SLC8A1: variants seen among roughly 807,000 people sequenced by gnomAD.
SLC8A1 encodes the protein sodium/calcium exchanger 1.
In SLC8A1, 18 loss-of-function variants were observed where a neutral mutation model predicts 68.3. The ratio of observed to expected loss-of-function variants is 0.26; its 90% CI spans 0.18 to 0.39. The LOEUF (loss-of-function observed/expected upper bound fraction) is 0.39, where lower values mean the gene tolerates loss of function less well. SLC8A1 is among the 10% of genes least tolerant of loss of function. SLC8A1 has a pLI of 1.00. For synonymous variants in SLC8A1, 475 were observed against 415.5 expected, an observed-to-expected ratio of 1.14 and a Z score of -1.74; for missense variants, 985 against 1,156.7, an observed-to-expected ratio of 0.85 and a Z score of 2.15.
At chr2:40,240,605 G>A (rs1016221095) in intron 2 of SLC8A1, among the ~76,000 whole-genome samples, 3 of 152,132 alleles carry the variant, frequency 2.0e-5, no homozygotes, top group African/African-American at 4.8e-5. Context: ...ACACTTTTTT[G>A]TATAAATACA....
chr2:40,220,419 A>C (rs1271188240), intron 2 of SLC8A1: 1 of 152,212 alleles, frequency 6.6e-6, no homozygotes, highest in East Asian at 1.9e-4. Context: ...CTTAGCCATC[A>C]TCGCCATTTG....
At chr2:40,356,982 C>A (rs1302043188) in intron 2 of SLC8A1, among the ~76,000 whole-genome samples, 1 of 152,184 alleles carries the variant, frequency 6.6e-6, no homozygotes, top group African/African-American at 2.4e-5. Context: ...CAAGAACACT[C>A]CATGAGTATT....
At chr2:40,289,780 G>C (rs576005333) in intron 2 of SLC8A1, among the ~76,000 whole-genome samples, 1 of 152,154 alleles carries the variant, frequency 6.6e-6, no homozygotes, top group African/African-American at 2.4e-5. Flanking sequence ...AGAATTGCTT[G>C]AACTTAGGAG....
chr2:40,176,090 G>A (rs1283560300), intron 3 of SLC8A1: 4 of 305,280 alleles, frequency 1.3e-5, no homozygotes, highest in South Asian at 7.7e-5. Flanking sequence ...AGAATGTACT[G>A]TAGCACTTTA....
intron 2 of SLC8A1, among the ~76,000 whole-genome samples, chr2:40,184,247 G>T (rs1033598123): frequency 1.3e-5 from 2 of 151,944 alleles, no homozygotes; most frequent in African/African-American, 4.8e-5. Context: ...ATGCAGCCAG[G>T]GCTTGCTTTA....
intron 2 of SLC8A1, among the ~76,000 whole-genome samples, chr2:40,403,799 A>T (rs1689466910): frequency 6.6e-6 from 1 of 152,228 alleles, no homozygotes; most frequent in African/African-American, 2.4e-5. Flanking sequence ...TGTAACTAAT[A>T]ATGAATAATA....
intron 2 of SLC8A1, among the ~76,000 whole-genome samples, chr2:40,249,104 C>T (rs184940105): frequency 3.0e-4 from 46 of 152,220 alleles, no homozygotes; most frequent in Non-Finnish European, 4.7e-4. Flanking sequence ...AACACAATGA[C>T]GTTTGAAGTT....
At chr2:40,341,061 G>T (rs1007370444) in intron 2 of SLC8A1, among the ~76,000 whole-genome samples, 4 of 152,172 alleles carry the variant, frequency 2.6e-5, no homozygotes, top group Non-Finnish European at 5.9e-5. Flanking sequence ...GAAAGGAATG[G>T]AGTAGTAGAG....
At chr2:40,224,225 G>C (rs1009235167) in intron 2 of SLC8A1, among the ~76,000 whole-genome samples, 4 of 152,058 alleles carry the variant, frequency 2.6e-5, no homozygotes, top group African/African-American at 9.7e-5. Context: ...ATGAGATGAG[G>C]CTGTCTAGTA....
chr2:40,215,403 C>A (rs1279361677), intron 2 of SLC8A1, among the ~76,000 whole-genome samples: 1 of 151,832 alleles, frequency 6.6e-6, no homozygotes, highest in Non-Finnish European at 1.5e-5. Flanking sequence ...TTTGGGAGGC[C>A]GAGGCGGGTG....
intron 2 of SLC8A1, among the ~76,000 whole-genome samples, chr2:40,324,728 T>C (rs1451333727): frequency 1.3e-5 from 2 of 152,100 alleles, no homozygotes; most frequent in Non-Finnish European, 2.9e-5. Flanking sequence ...GAGGCATCAA[T>C]GTCTCAAATC....
At chr2:40,355,628 C>A (rs1672430611) in intron 2 of SLC8A1, among the ~76,000 whole-genome samples, 1 of 152,128 alleles carries the variant, frequency 6.6e-6, no homozygotes, top group Non-Finnish European at 1.5e-5. Context: ...ACTGACCCAT[C>A]TAGGGAGTGG....
chr2:40,185,117 G>A (rs1334629783), intron 2 of SLC8A1, among the ~76,000 whole-genome samples: 1 of 152,098 alleles, frequency 6.6e-6, no homozygotes. Context: ...AACAAGTCTT[G>A]GTGACAATGT....
At chr2:40,441,287 T>C (rs568712758) in intron 1 of SLC8A1, among the ~76,000 whole-genome samples, 1 of 151,738 alleles carries the variant, frequency 6.6e-6, no homozygotes, top group East Asian at 1.9e-4. Context: ...AGGACAGAAA[T>C]GGAAAAACAT....
chr2:40,161,489 T>G (rs974901224), intron 5 of SLC8A1, among the ~76,000 whole-genome samples: 2 of 152,214 alleles, frequency 1.3e-5, no homozygotes, highest in African/African-American at 4.8e-5. Context: ...TCAGTTCTTA[T>G]GGTTTAGGGC....
intron 2 of SLC8A1, among the ~76,000 whole-genome samples, chr2:40,268,264 T>A (rs1027166454): frequency 1.3e-5 from 2 of 151,552 alleles, no homozygotes; most frequent in East Asian, 3.9e-4. Flanking sequence ...AGGGACCAGG[T>A]GATTCCTGGT....
chr2:40,349,836 A>T (rs1386222921), intron 2 of SLC8A1, among the ~76,000 whole-genome samples: 1 of 152,188 alleles, frequency 6.6e-6, no homozygotes, highest in Non-Finnish European at 1.5e-5. Context: ...TTCACAAATC[A>T]AAAAAGCTTG....
chr2:40,418,820 C>A (rs1694646556), intron 2 of SLC8A1, among the ~76,000 whole-genome samples: 1 of 152,176 alleles, frequency 6.6e-6, no homozygotes, highest in Non-Finnish European at 1.5e-5. Context: ...CAGGAGCCAT[C>A]TGGGATGGGG....
At chr2:40,199,119 C>A (rs901519385) in intron 2 of SLC8A1, among the ~76,000 whole-genome samples, 1 of 151,604 alleles carries the variant, frequency 6.6e-6, no homozygotes, top group African/African-American at 2.4e-5. Context: ...TTAATCTGAT[C>A]CCATTTCAAA....
Sources: allele counts gnomAD v4.1 joint callset (sites outside exome capture counted in the v4.1 genomes callset), GRCh38; gene constraint gnomAD v4.1.1; transcripts MANE v1.5; gene names NCBI Gene and HGNC (gene_info 2026-07-23, HGNC 2026-07-21).